The following GPC5 variants were observed in gnomAD, a reference collection of about 807,000 sequenced individuals.
GPC5 encodes glypican 5, also known as glypican-5.
A neutral mutation model predicts 53.9 loss-of-function variants in GPC5; 47 were observed. The observed-to-expected ratio is 0.87, with a 90% CI of 0.69 to 1.11. The LOEUF is 1.11. Ranked by LOEUF, GPC5 falls within the 50% of genes most tolerant of loss-of-function variation. The pLI, the probability that GPC5 is intolerant of heterozygous loss-of-function variation, is 0.00. For missense variants in GPC5, 748 were observed against 713.1 expected, an observed-to-expected ratio of 1.05 and a Z score of -0.56; for synonymous variants, 286 against 263.3, an observed-to-expected ratio of 1.09 and a Z score of -0.84.
intron 7 of GPC5, among the ~76,000 whole-genome samples, chr13:92,349,099 C>T (rs1457891793): frequency 6.6e-6 from 1 of 152,040 alleles, no homozygotes; most frequent in Non-Finnish European, 1.5e-5. Context: ...CAAAACAATA[C>T]AAAAGATTAA....
intron 7 of GPC5, among the ~76,000 whole-genome samples, chr13:92,268,032 A>G (rs1199006802): frequency 6.6e-6 from 1 of 152,060 alleles, no homozygotes; most frequent in African/African-American, 2.4e-5. Flanking sequence ...TGAGTATCAT[A>G]TGCTTTCAGA....
intron 7 of GPC5, among the ~76,000 whole-genome samples, chr13:92,714,975 G>A (rs1191099724): frequency 6.6e-6 from 1 of 152,096 alleles, no homozygotes; most frequent in Admixed American, 6.6e-5. Flanking sequence ...CTGAAGCAGA[G>A]AATTGCTTGA....
At chr13:92,355,948 A>T (rs1403722646) in intron 7 of GPC5, among the ~76,000 whole-genome samples, 1 of 146,436 alleles carries the variant, frequency 6.8e-6, no homozygotes, top group Non-Finnish European at 1.5e-5. Context: ...TTAGACTCAC[A>T]TCGTCTCTTT....
At chr13:91,943,688 A>G (rs2039948630) in intron 6 of GPC5, among the ~76,000 whole-genome samples, 1 of 152,190 alleles carries the variant, frequency 6.6e-6, no homozygotes, top group African/African-American at 2.4e-5. Context: ...TCTTAGGAGT[A>G]GGACGGATTA....
chr13:92,281,375 T>C lies in GPC5; in HGVS notation c.1561+136386T>C, dbSNP rs376693803. On this transcript the variant is annotated intron_variant, in intron 7 of 7. Transcript: ENST00000377067. ...AAACCTCTGCAGAAGTAAATGTCCCTGTCTGACAGCTTTGAAGAGAGTAGT... is the reference window on the plus strand; with the variant it reads ...AAACCTCTGCAGAAGTAAATGTCCCCGTCTGACAGCTTTGAAGAGAGTAGT... 4.6e-5 allele frequency among the ~76,000 whole-genome samples: 7 copies of C among 152,312 alleles called. No homozygotes were observed. In the East Asian group the frequency reaches 1.2e-3, roughly 25 times the overall value.
intron 7 of GPC5, among the ~76,000 whole-genome samples, chr13:92,245,396 T>A (rs2042643096): frequency 6.6e-6 from 1 of 152,198 alleles, no homozygotes; most frequent in East Asian, 1.9e-4. Context: ...TTTTTACTTG[T>A]CTCTCCATCC....
chr13:91,480,995 C>T (rs536807211), intron 2 of GPC5, among the ~76,000 whole-genome samples: 2 of 151,722 alleles, frequency 1.3e-5, no homozygotes, highest in Admixed American at 1.3e-4. Context: ...AAATAGAACC[C>T]CAAGTTTCGG....
At chr13:92,296,951 C>A (rs538539442) in intron 7 of GPC5, among the ~76,000 whole-genome samples, 80 of 152,358 alleles carry the variant, frequency 5.3e-4, no homozygotes, top group African/African-American at 1.9e-3. Flanking sequence ...CCTCCCACCC[C>A]CTCCATGGGC....
intron 4 of GPC5, among the ~76,000 whole-genome samples, chr13:91,734,380 G>T (rs1451657858): frequency 6.6e-6 from 1 of 151,260 alleles, no homozygotes; most frequent in Non-Finnish European, 1.5e-5. Context: ...CTGTGTTCAG[G>T]AGTGTGAAAT....
Position 91,805,356 on chromosome 13 carries a change from T to C in GPC5, c.1280+48936T>C, listed in dbSNP as rs140152291. On this transcript the variant is annotated intron_variant, in intron 5 of 7. Transcript: ENST00000377067. ...TCTTTGAATCCCTTGATACTTCTTT[T>C]ATGCATGTACTTACAAGTTGTTGGA... Among the ~76,000 whole-genome samples the C allele has an allele frequency of 9.7e-3, 1,476 of 152,326 alleles. 13 individuals carry two copies. The highest frequency in any genetic ancestry group is 0.016 in the Non-Finnish European group (1,064 of 68,022).
At chr13:92,750,106 T>C (rs1253872485) in intron 7 of GPC5, among the ~76,000 whole-genome samples, 1 of 152,188 alleles carries the variant, frequency 6.6e-6, no homozygotes. Flanking sequence ...AATAAGTGTC[T>C]GCATAATGAT....
chr13:92,220,851 A>C (rs1474145773), intron 7 of GPC5, among the ~76,000 whole-genome samples: 1 of 152,186 alleles, frequency 6.6e-6, no homozygotes, highest in African/African-American at 2.4e-5. Flanking sequence ...AAAATTGATC[A>C]AAAATCTCTG....
intron 7 of GPC5, among the ~76,000 whole-genome samples, chr13:92,516,956 T>G (rs1296107643): frequency 2.0e-5 from 3 of 151,984 alleles, no homozygotes; most frequent in Non-Finnish European, 2.9e-5. Context: ...AAACTGCACC[T>G]GGAAAATCGG....
intron 7 of GPC5, among the ~76,000 whole-genome samples, chr13:92,853,130 G>GA (rs1029079204): frequency 1.3e-5 from 2 of 151,782 alleles, no homozygotes; most frequent in East Asian, 1.9e-4. Context: ...TCTACAAGCA[G>GA]AAAAAAAATC....
chr13:92,596,204 G>T (rs1389895351), intron 7 of GPC5, among the ~76,000 whole-genome samples: 1 of 151,980 alleles, frequency 6.6e-6, no homozygotes, highest in Non-Finnish European at 1.5e-5. Flanking sequence ...AAAACTCCAG[G>T]CCTCTATTCT....
chr13:92,010,386 A>T (rs937575753), intron 6 of GPC5, among the ~76,000 whole-genome samples: 3 of 152,226 alleles, frequency 2.0e-5, no homozygotes, highest in Non-Finnish European at 4.4e-5. Context: ...AATAAATATT[A>T]GTTGACTGAG....
intron 6 of GPC5, among the ~76,000 whole-genome samples, chr13:92,041,106 C>A (rs2040938557): frequency 6.6e-6 from 1 of 152,202 alleles, no homozygotes; most frequent in Admixed American, 6.5e-5. Flanking sequence ...CCCTTCTCGG[C>A]CTCCCAAAGT....
chr13:91,634,935 C>T (rs2034249651), intron 2 of GPC5, among the ~76,000 whole-genome samples: 1 of 152,210 alleles, frequency 6.6e-6, no homozygotes, highest in East Asian at 1.9e-4. Flanking sequence ...AACTTAGACT[C>T]TTTAACTACT....
chr13:92,343,029 T>C (rs1460159046), intron 7 of GPC5, among the ~76,000 whole-genome samples: 1 of 152,216 alleles, frequency 6.6e-6, no homozygotes, highest in Admixed American at 6.6e-5. Flanking sequence ...TCCGTTAAAA[T>C]AATTTAAATA....
Sources: gnomAD v4.1 joint callset for allele counts (sites outside exome capture counted in the v4.1 genomes callset) on GRCh38, gnomAD v4.1.1 for gene constraint, MANE v1.5 for transcripts, NCBI Gene and HGNC (gene_info 2026-07-23, HGNC 2026-07-21) for gene names.